The following MAP7 variants were observed in gnomAD, a reference collection of about 807,000 sequenced individuals.
MAP7 encodes ensconsin.
Under a neutral mutation model 94.8 loss-of-function variants are expected in MAP7, and 52 were observed. That is an observed-to-expected ratio of 0.55 (90% CI 0.44 to 0.69). The LOEUF (loss-of-function observed/expected upper bound fraction) is 0.69. MAP7 is among the 30% of genes least tolerant of loss of function. MAP7 has a pLI of 0.00. For missense variants in MAP7, 940 were observed against 964.6 expected (o/e 0.97, Z 0.34); for synonymous variants, 350 against 357.0 (o/e 0.98, Z 0.22).
chr6:136,419,562 A>G (rs1790585347), intron 2 of MAP7, among the ~76,000 whole-genome samples: 1 of 152,030 alleles, frequency 6.6e-6, no homozygotes, highest in Non-Finnish European at 1.5e-5. Context: ...AAGAAGGCTG[A>G]TATTCAGGCC....
chr6:136,431,313 C>T (rs1209696243), intron 1 of MAP7, among the ~76,000 whole-genome samples: 1 of 151,876 alleles, frequency 6.6e-6, no homozygotes, highest in Non-Finnish European at 1.5e-5. Flanking sequence ...ATACTGAGTC[C>T]CATGAGAGGC....
chr6:136,372,782 G>A, intron 7 of MAP7, 157 bp from the exon 8 acceptor site: 2 of 818,828 alleles, frequency 2.4e-6, no homozygotes, highest in South Asian at 3.4e-5. Context: ...TTACCTAAAG[G>A]TGCCCAGAAC....
At chr6:136,468,362 G>A (rs1448737079) in intron 1 of MAP7, among the ~76,000 whole-genome samples, 1 of 152,054 alleles carries the variant, frequency 6.6e-6, no homozygotes, top group Admixed American at 6.6e-5. Context: ...ACCCTATTAT[G>A]ACGCCAGTTT....
intron 3 of MAP7, among the ~76,000 whole-genome samples, chr6:136,405,476 C>G: frequency 6.6e-6 from 1 of 152,174 alleles, no homozygotes; most frequent in East Asian, 1.9e-4. Flanking sequence ...AGGTGGAGTG[C>G]ATTTGGCTGT....
At chr6:136,395,772 T>C (rs568066616) in intron 3 of MAP7, among the ~76,000 whole-genome samples, 5 of 152,294 alleles carry the variant, frequency 3.3e-5, no homozygotes, top group African/African-American at 1.2e-4. Flanking sequence ...TTTCTGCATA[T>C]GGATTATCCA....
At position 136,502,641 on chromosome 6, in the gene MAP7, C is replaced by T. The variant is rs1184117325; in HGVS notation, c.67+47701G>A. ...TGGGAAATGTCCAAAATTTGGGGAGCGATATTTTGTAGGGGCTGATGGGTC... is the reference window on the plus strand; with the variant it reads ...TGGGAAATGTCCAAAATTTGGGGAGTGATATTTTGTAGGGGCTGATGGGTC... On this transcript the variant is annotated intron_variant, in intron 1 of 17. Coordinates refer to ENST00000354570, the MANE Select transcript of MAP7 (RefSeq NM_003980.6). Among the ~76,000 whole-genome samples, 4 of 152,032 alleles carry T rather than the reference C, an allele frequency of 2.6e-5. No homozygotes were observed. The South Asian group carries it at 6.2e-4, about 24-fold the overall frequency.
intron 3 of MAP7, among the ~76,000 whole-genome samples, chr6:136,409,909 T>A (rs1243624822): frequency 6.6e-6 from 1 of 152,220 alleles, no homozygotes; most frequent in Non-Finnish European, 1.5e-5. Flanking sequence ...CAATATGAAT[T>A]GAAATATGGC....
At chr6:136,408,150 C>T (rs114462998) in intron 3 of MAP7, among the ~76,000 whole-genome samples, 3,429 of 151,962 alleles carry the variant, frequency 0.023, 134 homozygotes, top group African/African-American at 0.078. Flanking sequence ...GAAAAACATG[C>T]AGAAGTCAAG....
chr6:136,359,707 T>C, intron 15 of MAP7, 113 bp downstream of exon 15: 1 of 968,578 alleles, frequency 1.0e-6, no homozygotes, highest in South Asian at 1.5e-5. Context: ...CTTCTGTGAG[T>C]CTGTAAGCAC....
intron 1 of MAP7, among the ~76,000 whole-genome samples, chr6:136,431,492 C>CTTTATTTA (rs10562140): frequency 0.53 from 77,072 of 145,162 alleles, 21,136 homozygotes; most frequent in Middle Eastern, 0.6. Flanking sequence ...CTTTTTAATG[C>CTTTATTTA]TTTATTTATT....
At chr6:136,519,294 A>G (rs1825731273) in intron 1 of MAP7, among the ~76,000 whole-genome samples, 1 of 152,242 alleles carries the variant, frequency 6.6e-6, no homozygotes, top group Non-Finnish European at 1.5e-5. Context: ...GATCTTTGAT[A>G]CCACTGTTCT....
intron 1 of MAP7, among the ~76,000 whole-genome samples, chr6:136,423,270 T>TA (rs2128777822): frequency 6.6e-6 from 1 of 152,282 alleles, no homozygotes; most frequent in South Asian, 2.1e-4. Context: ...TTAACATCTC[T>TA]AAGTCTTAAT....
chr6:136,503,579 G>A (rs1378097231), intron 1 of MAP7, among the ~76,000 whole-genome samples: 2 of 152,118 alleles, frequency 1.3e-5, no homozygotes, highest in African/African-American at 4.8e-5. Flanking sequence ...CCAGATTACT[G>A]ATGCAGCAAT....
chr6:136,424,359 T>C (rs1455623352), intron 1 of MAP7, among the ~76,000 whole-genome samples: 2 of 151,486 alleles, frequency 1.3e-5, no homozygotes, highest in Non-Finnish European at 2.9e-5. Flanking sequence ...TTAAGCCATA[T>C]ACTACGATGC....
chr6:136,403,186 C>T (rs1340827795), intron 3 of MAP7, among the ~76,000 whole-genome samples: 1 of 152,142 alleles, frequency 6.6e-6, no homozygotes, highest in Admixed American at 6.5e-5. Flanking sequence ...CCTCTCTCTG[C>T]TACGCCTTAG....
At position 136,383,652 on chromosome 6, in the gene MAP7, G is replaced by A. The variant is rs1459268435; in HGVS notation, c.637+19C>T. On this transcript the variant is annotated intron_variant, in intron 6 of 17. Transcript: ENST00000354570. Reference sequence around the variant, plus strand: ...TTAAGTAAATAACAGACACTTTTTTGTTTTCCTTTGGACTGTACCTCTATC... The same window carrying A: ...TTAAGTAAATAACAGACACTTTTTTATTTTCCTTTGGACTGTACCTCTATC... The A allele has an allele frequency of 7.3e-7, 1 of 1,369,414 alleles. No individual in the cohort carries two copies. The highest frequency in any genetic ancestry group is 1.4e-5 in the South Asian group (1 of 73,532). 84.8% of individuals were successfully genotyped at this position (1,369,414 alleles called of 1,614,324 possible).
At chr6:136,457,343 C>T (rs1803650895) in intron 1 of MAP7, among the ~76,000 whole-genome samples, 1 of 151,418 alleles carries the variant, frequency 6.6e-6, no homozygotes, top group Admixed American at 6.6e-5. Flanking sequence ...ATCCCCTGCC[C>T]CAAAAAAGCT....
intron 1 of MAP7, among the ~76,000 whole-genome samples, chr6:136,548,881 C>T (rs951736658): frequency 6.6e-6 from 1 of 152,236 alleles, no homozygotes; most frequent in Non-Finnish European, 1.5e-5. Context: ...CCGGGGCCCT[C>T]ACTTGGGGGA....
Position 136,478,995 on chromosome 6 carries a change from A to G in MAP7, c.68-57196T>C, listed in dbSNP as rs1376871209. Among the ~76,000 whole-genome samples, 11 of 147,710 alleles carry G rather than the reference A, an allele frequency of 7.4e-5. No individual in the cohort carries two copies. The Admixed American group carries it at 7.5e-4, about 10-fold the overall frequency. ...CAGACACATCAAAAAAAAAAAAAAA[A>G]GAAAGAAAGAAAAGAAAAAGAAGGA... On this transcript the variant is annotated intron_variant, in intron 1 of 17. Transcript: ENST00000354570.
Sources: gnomAD v4.1 joint callset for allele counts (sites outside exome capture counted in the v4.1 genomes callset) on GRCh38, gnomAD v4.1.1 for gene constraint, MANE v1.5 for transcripts, NCBI Gene and HGNC (gene_info 2026-07-23, HGNC 2026-07-21) for gene names.